TGM7: variants seen among roughly 807,000 people sequenced by gnomAD.
TGM7 encodes protein-glutamine gamma-glutamyltransferase Z.
TGM7 carries 74 observed loss-of-function variants against 79.5 expected under a neutral mutation model. The observed-to-expected ratio is 0.93, with a 90% confidence interval of 0.77 to 1.13. TGM7 has a LOEUF of 1.13. TGM7 is among the 50% of genes most tolerant of loss of function. TGM7 has a pLI of 0.00. For synonymous variants in TGM7, 354 were observed against 362.5 expected, an observed-to-expected ratio of 0.98 and a Z score of 0.27; for missense variants, 912 against 905.9, an observed-to-expected ratio of 1.01 and a Z score of -0.09.
At chr15:43,289,177 A>G (rs1432242063) in intron 4 of TGM7, among the ~76,000 whole-genome samples, 2 of 151,892 alleles carry the variant, frequency 1.3e-5, no homozygotes, top group Non-Finnish European at 2.9e-5. Flanking sequence ...TCGTCATTTA[A>G]CATTAGGTAT....
chr15:43,290,872 A>T (rs1029933590), intron 4 of TGM7, among the ~76,000 whole-genome samples: 11 of 152,082 alleles, frequency 7.2e-5, no homozygotes, highest in Non-Finnish European at 1.3e-4. Context: ...TTTGTCTGTT[A>T]TTGGTGTATA....
chr15:43,278,634 A>T (rs181095066), intron 11 of TGM7, among the ~76,000 whole-genome samples: 1 of 152,266 alleles, frequency 6.6e-6, no homozygotes, highest in Non-Finnish European at 1.5e-5. Context: ...AAAACTTTTA[A>T]GTAGAGGCAA....
intron 2 of TGM7, 104 bp downstream of exon 2, chr15:43,293,345 G>T: frequency 1.4e-6 from 2 of 1,400,800 alleles, no homozygotes; most frequent in Non-Finnish European, 1.9e-6. Flanking sequence ...GGACAAGAAA[G>T]TGGAGGGCAG....
intron 1 of TGM7, among the ~76,000 whole-genome samples, chr15:43,293,914 G>GA (rs1255230445): frequency 1.0e-4 from 12 of 119,402 alleles, no homozygotes; most frequent in Admixed American, 1.0e-3. Context: ...GGGCTGTGCG[G>GA]GGGGAGTGGG....
intron 3 of TGM7, 65 bp downstream of exon 3, chr15:43,292,644 C>T: frequency 1.3e-6 from 2 of 1,579,248 alleles, no homozygotes; most frequent in Non-Finnish European, 1.7e-6. Flanking sequence ...GGGCTTTTTC[C>T]AAAGAACCTC....
intron 6 of TGM7, among the ~76,000 whole-genome samples, chr15:43,286,268 TC>T: frequency 6.6e-6 from 1 of 152,196 alleles, no homozygotes; most frequent in East Asian, 1.9e-4. Flanking sequence ...GCCCTGTAAC[TC>T]GAGCGCCTGG....
At chr15:43,298,875 G>C (rs563417072) in intron 1 of TGM7, among the ~76,000 whole-genome samples, 3 of 151,950 alleles carry the variant, frequency 2.0e-5, no homozygotes, top group Non-Finnish European at 4.4e-5. Flanking sequence ...CAAAACTTAA[G>C]CATAAAAATG....
Position 43,279,116 on chromosome 15 carries a change from C to T in TGM7, c.1839+1G>A, listed in dbSNP as rs2042892285. 5 of 1,612,076 alleles carry T rather than the reference C, an allele frequency of 3.1e-6. No individual in the cohort carries two copies. The highest frequency in any genetic ancestry group is 3.4e-6 in the Non-Finnish European group (4 of 1,179,014). On this transcript the variant is annotated splice_donor_variant, in intron 11 of 12. Coordinates refer to ENST00000452443, the MANE Select transcript of TGM7 (RefSeq NM_052955.3). LOFTEE classifies it high-confidence loss of function. ...AGCCCCCACCCATGTCCAGACACTA[C>T]CTCAATAGACAAGTGGGGAGGCTCC...
chr15:43,285,041 G>A, intron 6 of TGM7, 89 bp from the exon 7 acceptor site: 1 of 1,517,894 alleles, frequency 6.6e-7, no homozygotes, highest in South Asian at 1.2e-5. Flanking sequence ...CAAGCTGGAG[G>A]AGAGAAAGCC....
intron 9 of TGM7, among the ~76,000 whole-genome samples, chr15:43,281,518 A>C (rs546894768): frequency 4.1e-4 from 62 of 152,364 alleles, no homozygotes; most frequent in African/African-American, 1.5e-3. Flanking sequence ...TATATTAAAA[A>C]TCATACCCAG....
intron 9 of TGM7, among the ~76,000 whole-genome samples, chr15:43,280,841 A>C (rs1051998216): frequency 1.3e-5 from 2 of 152,242 alleles, no homozygotes; most frequent in African/African-American, 4.8e-5. Context: ...ATGCGGAATA[A>C]GAAAAGAGAA....
Position 43,282,511 on chromosome 15 carries a change from AC to A in TGM7, c.1108+5del. 6.3e-7 allele frequency: 1 copy of A among 1,577,796 alleles called. No homozygotes were observed. The highest frequency in any genetic ancestry group is 2.3e-5 in the East Asian group (1 of 43,594). On this transcript the variant is annotated splice_donor_5th_base_variant and intron_variant, in intron 8 of 12. Coordinates refer to ENST00000452443, the MANE Select transcript of TGM7 (RefSeq NM_052955.3). The stretch of plus-strand genomic sequence containing the variant: ...GCCAGAGCCTGTTGCAATGGTCCTC[AC>A]TCACCACTGCTGGTCTGCTGGGGAG...
intron 9 of TGM7, 39 bp from the exon 10 acceptor site, chr15:43,279,990 G>A (rs565090085): frequency 1.3e-6 from 2 of 1,583,798 alleles, no homozygotes; most frequent in South Asian, 1.1e-5. Flanking sequence ...GCATGGGGAG[G>A]GGTGGAGAGG....
rs2043028191 is a variant in TGM7 at position 43,302,140 on chromosome 15, C to T, written c.10+101G>A. On this transcript the variant is annotated intron_variant, in intron 1 of 12. Transcript: ENST00000452443. Reference sequence around the variant, plus strand: ...CACAATGAACTACCAATCATCAATCCAGGCTCTCCTGTCGCTTCCCTACAT... The same window carrying T: ...CACAATGAACTACCAATCATCAATCTAGGCTCTCCTGTCGCTTCCCTACAT... 1.1e-5 allele frequency: 15 copies of T among 1,394,588 alleles called. No homozygotes were observed. The South Asian group carries it at 1.6e-4, about 15-fold the overall frequency. The allele number at this position is 1,394,588 out of a possible 1,614,324, so 86.4% of individuals were successfully genotyped here.
chr15:43,297,588 A>G lies in TGM7; in HGVS notation c.11-3957T>C, dbSNP rs367829316. Among the ~76,000 whole-genome samples the G allele has an allele frequency of 9.7e-3, 167 of 17,178 alleles. 1 individual carries two copies. The highest frequency in any genetic ancestry group is 0.025 in the African/African-American group (161 of 6,374). The allele number at this position is 17,178 out of a possible 152,430, so 11.3% of individuals were successfully genotyped here. On this transcript the variant is annotated intron_variant, in intron 1 of 12. Transcript: ENST00000452443. ...CATTGAAACAGCCATCTGCATGTAT[A>G]GAAAGAAAGAAAGAAAGAAAGAAAG...
At position 43,293,380 on chromosome 15, in the gene TGM7, C is replaced by G. The variant is rs2042973517; in HGVS notation, c.193+69G>C. On this transcript the variant is annotated intron_variant, in intron 2 of 12. Coordinates refer to ENST00000452443, the MANE Select transcript of TGM7 (RefSeq NM_052955.3). ...GCTCAGGTGGGAAAGGCAGGGGCCC[C>G]GCAGGCAGACTCTGTAAATGCCCTC... 12 of 1,508,578 alleles carry G rather than the reference C, an allele frequency of 8.0e-6. No individual in the cohort carries two copies. In the Admixed American group the frequency reaches 2.3e-4, roughly 29 times the overall value. 93.4% of individuals were successfully genotyped at this position (1,508,578 alleles called of 1,614,324 possible). A position where few individuals can be genotyped will look rare whatever the true frequency, so the allele number is the denominator to read the frequency against.
intron 11 of TGM7, among the ~76,000 whole-genome samples, chr15:43,277,441 C>G (rs1436078444): frequency 6.6e-6 from 1 of 152,224 alleles, no homozygotes; most frequent in Non-Finnish European, 1.5e-5. Flanking sequence ...TCATCCTGCC[C>G]TTACGCTCAT....
chr15:43,279,038 C>T (rs1373363107), intron 11 of TGM7, 79 bp downstream of exon 11: 4 of 1,484,782 alleles, frequency 2.7e-6, no homozygotes, highest in Non-Finnish European at 2.7e-6. Flanking sequence ...GGAACAGTGT[C>T]TTGTTGGCTG....
chr15:43,287,162 G>T (rs1473487537), intron 6 of TGM7, 118 bp downstream of exon 6: 1 of 1,221,604 alleles, frequency 8.2e-7, no homozygotes, highest in Non-Finnish European at 1.1e-6. Flanking sequence ...TCAGGGCCTG[G>T]GTGCCCACCA....
Sources: gnomAD v4.1 joint callset for allele counts (sites outside exome capture counted in the v4.1 genomes callset) on GRCh38, gnomAD v4.1.1 for gene constraint, MANE v1.5 for transcripts, NCBI Gene and HGNC (gene_info 2026-07-23, HGNC 2026-07-21) for gene names.